The following PPT1 variants were observed in gnomAD, a reference collection of about 807,000 sequenced individuals.
PPT1 encodes the protein ceroid-palmitoyl-palmitoyl-protein thioesterase 1.
A neutral mutation model predicts 44.0 loss-of-function variants in PPT1; 24 were observed. That is an observed-to-expected ratio of 0.54 (90% CI 0.39 to 0.77). The LOEUF (loss-of-function observed/expected upper bound fraction) is 0.77. Ranked by LOEUF, PPT1 falls within the 30% of genes least tolerant of loss-of-function variation. The pLI is 0.00. For synonymous variants in PPT1, 148 were observed against 140.2 expected (o/e 1.06, Z -0.39); for missense variants, 341 against 378.8 (o/e 0.90, Z 0.83).
At chr1:40,093,615 C>T (rs773633531) in intron 1 of PPT1, among the ~76,000 whole-genome samples, 2 of 152,024 alleles carry the variant, frequency 1.3e-5, no homozygotes, top group Non-Finnish European at 2.9e-5. Flanking sequence ...AGCTGGGTGT[C>T]ATGGCTCACG....
chr1:40,071,905 A>G (rs989454706), downstream of PPT1: 38 of 419,418 alleles, frequency 9.1e-5, no homozygotes, highest in Middle Eastern at 6.0e-4. Context: ...GAATGTTCAC[A>G]CTGGTTAATC....
chr1:40,080,269 A>T, intron 6 of PPT1, 128 bp downstream of exon 6: 1 of 1,023,560 alleles, frequency 9.8e-7, no homozygotes, highest in South Asian at 1.3e-5. Flanking sequence ...CCTCCCAAAA[A>T]AAACAGAACT....
intron 7 of PPT1, 48 bp downstream of exon 7, chr1:40,078,511 AT>A: frequency 6.4e-7 from 1 of 1,571,042 alleles, no homozygotes. Context: ...CAGCAGCCCT[AT>A]TTTAATGCCA....
intron 5 of PPT1, among the ~76,000 whole-genome samples, chr1:40,088,956 TAGG>T (rs1180858117): frequency 6.6e-6 from 1 of 152,146 alleles, no homozygotes; most frequent in Non-Finnish European, 1.5e-5. Context: ...GGAGCAAGTT[TAGG>T]TTTACAATGA....
chr1:40,084,331 T>C (rs997365576), intron 5 of PPT1, among the ~76,000 whole-genome samples: 1 of 152,162 alleles, frequency 6.6e-6, no homozygotes, highest in Admixed American at 6.5e-5. Flanking sequence ...CTACTCCTGG[T>C]GAAGATGCTG....
chr1:40,081,414 T>C (rs1648931267), intron 5 of PPT1, among the ~76,000 whole-genome samples: 1 of 151,924 alleles, frequency 6.6e-6, no homozygotes, highest in Non-Finnish European at 1.5e-5. Flanking sequence ...CATGTGCCTG[T>C]AATCCCAGCT....
At chr1:40,092,229 C>T (rs1649604332) in intron 2 of PPT1, 57 bp from the exon 3 acceptor site, 11 of 1,609,244 alleles carry the variant, frequency 6.8e-6, no homozygotes, top group Non-Finnish European at 8.5e-6. Flanking sequence ...CCACTGACAT[C>T]TTCTCTAAGA....
intron 1 of PPT1, chr1:40,093,958 C>A (rs914781535): frequency 1.4e-6 from 1 of 714,676 alleles, no homozygotes; most frequent in Non-Finnish European, 2.6e-6. Context: ...TTTGGTAAGA[C>A]GAGGCAGGAG....
At chr1:40,074,390 CTTTT>C (rs1648478739) in intron 8 of PPT1, among the ~76,000 whole-genome samples, 1 of 149,844 alleles carries the variant, frequency 6.7e-6, no homozygotes, top group Non-Finnish European at 1.5e-5. Context: ...TTCTTCCTTT[CTTTT>C]CTTTCTTCTC....
chr1:40,071,796 A>G, downstream of PPT1: 1 of 518,334 alleles, frequency 1.9e-6, no homozygotes, highest in South Asian at 3.1e-5. Flanking sequence ...GGAACTGCCG[A>G]CTAGGACTGA....
chr1:40,075,829 C>A (rs950147119), intron 8 of PPT1, among the ~76,000 whole-genome samples: 2 of 151,214 alleles, frequency 1.3e-5, no homozygotes, highest in African/African-American at 4.9e-5. Context: ...GGCATGGTGG[C>A]GTGTGCCTGT....
intron 1 of PPT1, among the ~76,000 whole-genome samples, chr1:40,095,453 A>G (rs1312513247): frequency 6.6e-6 from 1 of 151,634 alleles, no homozygotes; most frequent in Non-Finnish European, 1.5e-5. Flanking sequence ...CCACACTCCA[A>G]ATGCCTCTAC....
intron 1 of PPT1, among the ~76,000 whole-genome samples, chr1:40,093,118 A>C (rs1042680348): frequency 1.3e-5 from 2 of 152,260 alleles, no homozygotes; most frequent in Non-Finnish European, 2.9e-5. Flanking sequence ...AGGGAGAAAC[A>C]ATCCAGCAGT....
At chr1:40,086,545 G>A (rs986587374) in intron 5 of PPT1, among the ~76,000 whole-genome samples, 1 of 152,148 alleles carries the variant, frequency 6.6e-6, no homozygotes, top group African/African-American at 2.4e-5. Context: ...ACAGGGAGGT[G>A]GGGTATGGTT....
Position 40,078,443 on chromosome 1 carries a change from C to A in PPT1, c.726+117G>T, listed in dbSNP as rs563465355. The A allele has an allele frequency of 1.3e-5, 13 of 983,512 alleles. No homozygotes were observed. The African/African-American group carries it at 1.8e-4, about 13-fold the overall frequency. The allele number at this position is 983,512 out of a possible 1,614,324, so 60.9% of individuals were successfully genotyped here. On this transcript the variant is annotated intron_variant, in intron 7 of 8. Coordinates refer to ENST00000642050, the MANE Select transcript of PPT1 (RefSeq NM_000310.4). ...TCTTGAACTCCTGACCTCAGGTGAT[C>A]CACCCGCCTTGGCCTCCCAGAGTGC...
At chr1:40,081,739 G>A (rs1462242531) in intron 5 of PPT1, among the ~76,000 whole-genome samples, 1 of 151,958 alleles carries the variant, frequency 6.6e-6, no homozygotes, top group Non-Finnish European at 1.5e-5. Context: ...GTCTTTATCG[G>A]TAGCATGAAA....
chr1:40,079,000 C>T lies in PPT1; in HGVS notation c.628-342G>A, dbSNP rs1353254948. Among the ~76,000 whole-genome samples, 7 of 152,266 alleles carry T rather than the reference C, an allele frequency of 4.6e-5. No individual in the cohort carries two copies. In the East Asian group the frequency reaches 1.4e-3, roughly 29 times the overall value. On this transcript the variant is annotated intron_variant, in intron 6 of 8. Transcript: ENST00000642050. Reference sequence around the variant, plus strand: ...AGTTTTTCAGCCCTAGCCTCTCCCTCCCAGCTTTTGGAGTCTCCAGTGTCT... The same window carrying T: ...AGTTTTTCAGCCCTAGCCTCTCCCTTCCAGCTTTTGGAGTCTCCAGTGTCT...
At chr1:40,096,422 A>C (rs183622235) in intron 1 of PPT1, among the ~76,000 whole-genome samples, 37 of 151,146 alleles carry the variant, frequency 2.4e-4, no homozygotes, top group African/African-American at 8.7e-4. Context: ...TGAGCATCCT[A>C]ATCTGAAAAT....
chr1:40,081,876 G>A (rs1648960952), intron 5 of PPT1, among the ~76,000 whole-genome samples: 1 of 152,198 alleles, frequency 6.6e-6, no homozygotes, highest in Non-Finnish European at 1.5e-5. Flanking sequence ...CTCAGAAGAA[G>A]ACAGGAAAAT....
Sources: gnomAD v4.1 joint callset for allele counts (sites outside exome capture counted in the v4.1 genomes callset) on GRCh38, gnomAD v4.1.1 for gene constraint, MANE v1.5 for transcripts, NCBI Gene and HGNC (gene_info 2026-07-23, HGNC 2026-07-21) for gene names.